Variants in KDELR2 observed in about 807,000 individuals in gnomAD.
KDELR2 encodes ER lumen protein-retaining receptor 2.
Under a neutral mutation model 23.9 loss-of-function variants are expected in KDELR2, and 15 were observed. That is an observed-to-expected ratio of 0.63 (90% CI 0.42 to 0.97). The LOEUF (loss-of-function observed/expected upper bound fraction) is 0.97, where lower values mean the gene tolerates loss of function less well. Among genes scored for constraint, KDELR2 ranks in the 50% least tolerant of loss-of-function variants. The pLI is 0.00. For missense variants in KDELR2, 272 were observed against 254.6 expected, an observed-to-expected ratio of 1.07 and a Z score of -0.46; for synonymous variants, 119 against 106.2, an observed-to-expected ratio of 1.12 and a Z score of -0.74.
At position 6,474,287 on chromosome 7, in the gene KDELR2, A is replaced by G; in HGVS notation, c.92-3T>C. ...AAGCTGGCTTTTCCCAGAAATACCT[A>G]GAGAAACAGAAGGGAAGTATTAGAA... On this transcript the variant is annotated splice_polypyrimidine_tract_variant and splice_region_variant and intron_variant, in intron 1 of 4. Coordinates refer to ENST00000258739, the MANE Select transcript of KDELR2 (RefSeq NM_006854.4). 1 of 1,598,524 alleles carries G rather than the reference A, an allele frequency of 6.3e-7. No individual in the cohort carries two copies. The highest frequency in any genetic ancestry group is 8.6e-7 in the Non-Finnish European group (1 of 1,165,868).
chr7:6,464,518 C>T (rs1474666245), intron 4 of KDELR2, among the ~76,000 whole-genome samples: 1 of 151,568 alleles, frequency 6.6e-6, no homozygotes, highest in Non-Finnish European at 1.5e-5. Flanking sequence ...GACTCAGTCT[C>T]AAAACAAAAC....
Position 6,474,339 on chromosome 7 carries a change from T to G in KDELR2, c.92-55A>C, listed in dbSNP as rs1031800348. The G allele has an allele frequency of 5.0e-6, 6 of 1,198,052 alleles. No homozygotes were observed. The African/African-American group carries it at 9.0e-5, about 18-fold the overall frequency. 74.2% of individuals were successfully genotyped at this position (1,198,052 alleles called of 1,614,324 possible). ...GGCCTGAAGAGCTTTGGGATTCCTG[T>G]GGATCACACTGTGCAGGGAGTGCAG... On this transcript the variant is annotated intron_variant, in intron 1 of 4. Transcript: ENST00000258739.
At chr7:6,471,176 GTTT>G (rs1161325162) in intron 2 of KDELR2, among the ~76,000 whole-genome samples, 39 of 72,606 alleles carry the variant, frequency 5.4e-4, no homozygotes, top group Non-Finnish European at 6.2e-4. Context: ...ATTTGTTTCG[GTTT>G]TTTTTTTTTT....
At chr7:6,481,363 C>A in intron 1 of KDELR2, among the ~76,000 whole-genome samples, 1 of 56,522 alleles carries the variant, frequency 1.8e-5, no homozygotes, top group Non-Finnish European at 4.3e-5. Context: ...AAAAGTTCAT[C>A]TCAAAAAAAA....
In KDELR2 at chr7:6,463,161, T is replaced by G. The variant is rs780050252; in HGVS notation, c.619A>C (p.Lys207Gln). The G allele has an allele frequency of 5.0e-6, 8 of 1,613,732 alleles. No homozygotes were observed. The highest frequency in any genetic ancestry group is 3.3e-5 in the South Asian group (3 of 90,870). The stretch of plus-strand genomic sequence containing the variant: ...GGCACTTATGCTGGCAAACTGAGCT[T>G]CTTTCCCTTGAGTACTAGAATTTCA... Reference protein sequence around the residue: ...LYITKVLKGKKLSLPA With the variant: ...LYITKVLKGKQLSLPA The change falls in exon 5 of 5, where the codon AAG (lysine) becomes CAG (glutamine). Residue 207 changes from lysine (K) to glutamine (Q), a missense_variant. Physicochemically the swap from Lys to Gln is moderately conservative, Grantham distance 53. Transcript: ENST00000258739.
chr7:6,478,594 T>A lies in KDELR2; in HGVS notation c.92-4310A>T, dbSNP rs564959465. Among the ~76,000 whole-genome samples the A allele has an allele frequency of 7.7e-4, 118 of 152,308 alleles. 1 individual carries two copies. Among genetic ancestry groups the A allele is most frequent in the Admixed American group, 2.0e-3 (31 of 15,292 alleles). On this transcript the variant is annotated intron_variant, in intron 1 of 4. Transcript: ENST00000258739. ...CTTTATTATAGATATTAACCTTTTGTCACTTAGGTATATTACAGATTATTT... is the reference window on the plus strand; with the variant it reads ...CTTTATTATAGATATTAACCTTTTGACACTTAGGTATATTACAGATTATTT...
At position 6,484,134 on chromosome 7, in the gene KDELR2, A is replaced by G. The variant is rs1583323772; in HGVS notation, c.-77T>C. 4.4e-6 allele frequency: 5 copies of G among 1,146,606 alleles called. No homozygotes were observed. Among genetic ancestry groups the G allele is most frequent in the Non-Finnish European group, 5.5e-6 (5 of 905,258 alleles). 71.0% of individuals were successfully genotyped at this position (1,146,606 alleles called of 1,614,324 possible). A position where few individuals can be genotyped will look rare whatever the true frequency, so the allele number is the denominator to read the frequency against. On this transcript the variant is annotated 5_prime_UTR_variant, in exon 1 of 5. Coordinates refer to ENST00000258739, the MANE Select transcript of KDELR2 (RefSeq NM_006854.4). ...GGCTCAGGAGGCGGCGGCCCCTGAG[A>G]GGAAGCGGCGAAGATGGCGAGATCG...
intron 1 of KDELR2, among the ~76,000 whole-genome samples, chr7:6,476,057 TGG>T (rs1442665254): frequency 1.3e-5 from 2 of 152,070 alleles, no homozygotes; most frequent in African/African-American, 4.8e-5. Flanking sequence ...GGACTACAGG[TGG>T]GTGCACCACC....
Position 6,462,889 on chromosome 7 carries a change from T to G in KDELR2, c.*252A>C. On this transcript the variant is annotated 3_prime_UTR_variant, in exon 5 of 5. Transcript: ENST00000258739. ...TCCCAATTGAAGCTACACACTGAAT[T>G]TATTAATACAGCATTAAGTTTCTTT... The G allele has an allele frequency of 2.4e-6, 3 of 1,243,352 alleles. No individual in the cohort carries two copies. In the South Asian group the frequency reaches 4.7e-5, roughly 20 times the overall value. The allele number at this position is 1,243,352 out of a possible 1,614,324, so 77.0% of individuals were successfully genotyped here.
intron 1 of KDELR2, among the ~76,000 whole-genome samples, chr7:6,483,644 G>A (rs1011862532): frequency 6.6e-6 from 1 of 152,162 alleles, no homozygotes; most frequent in Non-Finnish European, 1.5e-5. Context: ...AGCCCAGAGA[G>A]GGGCCACGCC....
At position 6,478,601 on chromosome 7, in the gene KDELR2, G is replaced by C. The variant is rs532331038; in HGVS notation, c.92-4317C>G. Among the ~76,000 whole-genome samples, 4 of 151,982 alleles carry C rather than the reference G, an allele frequency of 2.6e-5. No homozygotes were observed. In the East Asian group the frequency reaches 7.7e-4, roughly 29 times the overall value. ...ATAGATATTAACCTTTTGTCACTTAGGTATATTACAGATTATTTCACTCAG... is the reference window on the plus strand; with the variant it reads ...ATAGATATTAACCTTTTGTCACTTACGTATATTACAGATTATTTCACTCAG... On this transcript the variant is annotated intron_variant, in intron 1 of 4. Coordinates refer to ENST00000258739, the MANE Select transcript of KDELR2 (RefSeq NM_006854.4).
intron 2 of KDELR2, among the ~76,000 whole-genome samples, chr7:6,471,131 AAAT>A (rs1293258617): frequency 0.025 from 327 of 13,196 alleles, 3 homozygotes; most frequent in African/African-American, 0.056. Context: ...AATAAAAAAT[AAAT>A]AAATAAATAA....
chr7:6,471,104 G>C (rs1381151995), intron 2 of KDELR2, among the ~76,000 whole-genome samples: 1 of 123,894 alleles, frequency 8.1e-6, no homozygotes, highest in African/African-American at 3.4e-5. Context: ...GTGACAGACT[G>C]ACTCTGTCTC....
At chr7:6,465,933 A>C in intron 4 of KDELR2, 138 bp downstream of exon 4, 2 of 878,588 alleles carry the variant, frequency 2.3e-6, no homozygotes, top group Non-Finnish European at 3.5e-6. Flanking sequence ...ATCCTGATCC[A>C]GAATGTTATT....
chr7:6,464,836 A>T (rs961659400), intron 4 of KDELR2, among the ~76,000 whole-genome samples: 1 of 149,644 alleles, frequency 6.7e-6, no homozygotes, highest in African/African-American at 2.5e-5. Flanking sequence ...CCCGGGTTCA[A>T]GAGATTTTCC....
At chr7:6,477,786 T>C (rs1785787141) in intron 1 of KDELR2, among the ~76,000 whole-genome samples, 1 of 152,154 alleles carries the variant, frequency 6.6e-6, no homozygotes, top group Non-Finnish European at 1.5e-5. Context: ...GTATTATATA[T>C]TACAAAATAG....
intron 1 of KDELR2, among the ~76,000 whole-genome samples, chr7:6,481,145 C>T (rs776279193): frequency 5.7e-4 from 86 of 152,170 alleles, no homozygotes; most frequent in Non-Finnish European, 9.6e-4. Flanking sequence ...CCGAAGCGGG[C>T]GGATCATGAG....
At chr7:6,463,916 G>T (rs1031828760) in intron 4 of KDELR2, among the ~76,000 whole-genome samples, 1 of 115,612 alleles carries the variant, frequency 8.6e-6, no homozygotes, top group African/African-American at 2.8e-5. Context: ...CAAAAATTAG[G>T]CTGGGCACAG....
At position 6,463,764 on chromosome 7, in the gene KDELR2, A is replaced by C. The variant is rs976959438; in HGVS notation, c.605-589T>G. 1.5e-3 allele frequency among the ~76,000 whole-genome samples: 224 copies of C among 151,672 alleles called. 6 individuals carry two copies. Among genetic ancestry groups the C allele is most frequent in the South Asian group, 2.1e-3 (10 of 4,796 alleles). ...TCTCTTTAAAAAGATAAAAAAAAAA[A>C]AAAACACAAAGGATGGCAGGGTGAG... On this transcript the variant is annotated intron_variant, in intron 4 of 4. Coordinates refer to ENST00000258739, the MANE Select transcript of KDELR2 (RefSeq NM_006854.4).
Sources: gnomAD v4.1 joint callset for allele counts (sites outside exome capture counted in the v4.1 genomes callset) on GRCh38, gnomAD v4.1.1 for gene constraint, MANE v1.5 for transcripts, NCBI Gene and HGNC (gene_info 2026-07-23, HGNC 2026-07-21) for gene names.